ZFX: variants seen among roughly 807,000 people sequenced by gnomAD.
The protein encoded by ZFX is zinc finger X-chromosomal protein.
For missense variants in ZFX, 362 were observed against 628.3 expected, an observed-to-expected ratio of 0.58 and a Z score of 4.53; for synonymous variants, 196 against 226.8, an observed-to-expected ratio of 0.86 and a Z score of 1.22.
chrX:24,193,187 G>T (rs1206186602), intron 5 of ZFX, among the ~76,000 whole-genome samples: 1 of 112,179 alleles, frequency 8.9e-6, no homozygotes, highest in Non-Finnish European at 1.9e-5. Context: ...TGACAACCTT[G>T]ATGTTCATCA....
Position 24,189,966 on chromosome X carries a change from A to G in ZFX, c.646+10196A>G, listed in dbSNP as rs1936425670. Reference sequence around the variant, plus strand: ...ACAGGAAAAAGTTTGGAATTTGAAAACTATATATCTACATGGGAATATTTC... The same window carrying G: ...ACAGGAAAAAGTTTGGAATTTGAAAGCTATATATCTACATGGGAATATTTC... On this transcript the variant is annotated intron_variant, in intron 5 of 9. Coordinates refer to ENST00000304543, the MANE Select transcript of ZFX (RefSeq NM_003410.4). 2.7e-5 allele frequency among the ~76,000 whole-genome samples: 3 copies of G among 112,388 alleles called. No homozygotes were observed. The South Asian group carries it at 1.1e-3, about 41-fold the overall frequency.
At chrX:24,200,787 G>T (rs1658203086) in intron 5 of ZFX, among the ~76,000 whole-genome samples, 1 of 111,826 alleles carries the variant, frequency 8.9e-6, no homozygotes, top group Non-Finnish European at 1.9e-5. Flanking sequence ...TCACTTAGTA[G>T]CTCACTGACT....
chrX:24,183,824 GGCTCACTGCAACCTCCACCCC>G (rs1935887463), intron 5 of ZFX, among the ~76,000 whole-genome samples: 1 of 59,945 alleles, frequency 1.7e-5, no homozygotes, highest in South Asian at 1.4e-3. Context: ...CCTCCACCCC[GGCTCACTGCAACCTCCACCCC>G]CTGGGTTCAA....
At chrX:24,164,878 T>A (rs1350370110) in intron 3 of ZFX, among the ~76,000 whole-genome samples, 1 of 107,471 alleles carries the variant, frequency 9.3e-6, no homozygotes, top group African/African-American at 3.4e-5. Flanking sequence ...AGGCAGAGAT[T>A]GTAGTGAGCT....
intron 3 of ZFX, among the ~76,000 whole-genome samples, chrX:24,165,851 T>G (rs189332306): frequency 2.7e-5 from 3 of 112,552 alleles, no homozygotes; most frequent in Non-Finnish European, 5.6e-5. Context: ...CAGCAAAAAC[T>G]AATAAGCTAT....
chrX:24,201,003 C>T (rs926232592), intron 5 of ZFX, among the ~76,000 whole-genome samples: 9 of 112,308 alleles, frequency 8.0e-5, no homozygotes, highest in Non-Finnish European at 1.3e-4. Flanking sequence ...TTCTTCATTA[C>T]TACATTAGGA....
At chrX:24,161,580 C>T (rs1569126099) in intron 3 of ZFX, 1 of 111,576 alleles carries the variant, frequency 9.0e-6, no homozygotes, top group African/African-American at 3.3e-5. Context: ...CCTACACATA[C>T]AAGGTCAGTT....
chrX:24,191,824 C>T (rs111332313), intron 5 of ZFX, among the ~76,000 whole-genome samples: 3,945 of 110,130 alleles, frequency 0.036, 173 homozygotes, highest in African/African-American at 0.12. Flanking sequence ...CTCAGCCTCC[C>T]GAGTAGCTGG....
intron 7 of ZFX, 110 bp from the exon 8 acceptor site, chrX:24,208,108 A>C (rs1245345946): frequency 6.3e-5 from 63 of 997,520 alleles, no homozygotes; most frequent in Non-Finnish European, 8.5e-5. Flanking sequence ...CTAGGTATGT[A>C]ATATTTGGAC....
Position 24,161,176 on chromosome X carries a change from CA to C in ZFX, c.-29+8347del, listed in dbSNP as rs199940500. ...ATACCTTGAAATAAATCCAACAAAG[CA>C]TACCAAGACCTTCAGTAAAAACCTT... On this transcript the variant is annotated intron_variant, in intron 3 of 9. Transcript: ENST00000304543. 1.3e-3 allele frequency among the ~76,000 whole-genome samples: 149 copies of C among 111,749 alleles called. 6 individuals are homozygous for C. The East Asian group carries it at 0.028, about 21-fold the overall frequency.
intron 4 of ZFX, chrX:24,173,716 G>GAA: frequency 1.9e-6 from 1 of 519,048 alleles, no homozygotes; most frequent in Non-Finnish European, 3.2e-6. Context: ...GAGTAACTGG[G>GAA]GCTACAGGTG....
At chrX:24,155,542 A>G (rs969538122) in intron 3 of ZFX, among the ~76,000 whole-genome samples, 2 of 112,299 alleles carry the variant, frequency 1.8e-5, no homozygotes, top group African/African-American at 6.5e-5. Context: ...TTGGGATTAT[A>G]TACATATAGT....
chrX:24,195,832 C>T (rs12844745), intron 5 of ZFX, among the ~76,000 whole-genome samples: 1 of 112,484 alleles, frequency 8.9e-6, no homozygotes, highest in Non-Finnish European at 1.9e-5. Flanking sequence ...TATGTTCTTT[C>T]TTCACGTCCT....
At chrX:24,196,157 G>C (rs1006792598) in intron 5 of ZFX, among the ~76,000 whole-genome samples, 1 of 111,560 alleles carries the variant, frequency 9.0e-6, no homozygotes, top group Non-Finnish European at 1.9e-5. Flanking sequence ...TCGTTACCCA[G>C]GTTGGAGTGC....
At chrX:24,171,301 C>T (rs185130799) in intron 3 of ZFX, among the ~76,000 whole-genome samples, 30 of 110,796 alleles carry the variant, frequency 2.7e-4, no homozygotes, top group Non-Finnish European at 5.1e-4. Context: ...AGAAGGATCC[C>T]TGAATCAAAT....
At chrX:24,180,089 G>A (rs907362392) in intron 5 of ZFX, among the ~76,000 whole-genome samples, 43 of 109,799 alleles carry the variant, frequency 3.9e-4, no homozygotes, top group African/African-American at 9.6e-4. Flanking sequence ...AAAATTAACC[G>A]GGTGTGGTGG....
At chrX:24,155,018 A>G (rs1255511649) in intron 3 of ZFX, among the ~76,000 whole-genome samples, 2 of 110,765 alleles carry the variant, frequency 1.8e-5, no homozygotes, top group African/African-American at 3.3e-5. Context: ...AGAGATAACT[A>G]TTGGGTACTG....
chrX:24,171,197 G>A (rs1189059533), intron 3 of ZFX, among the ~76,000 whole-genome samples: 1 of 111,728 alleles, frequency 9.0e-6, no homozygotes, highest in Non-Finnish European at 1.9e-5. Context: ...ATTTCAGAGG[G>A]AAAAATTGTT....
chrX:24,168,484 AT>A (rs756977308), intron 3 of ZFX, among the ~76,000 whole-genome samples: 66 of 109,423 alleles, frequency 6.0e-4, no homozygotes, highest in Middle Eastern at 4.7e-3. Context: ...GTGATCCCTA[AT>A]TTAAGATAGA....
Sources: gnomAD v4.1 joint callset for allele counts (sites outside exome capture counted in the v4.1 genomes callset) on GRCh38, gnomAD v4.1.1 for gene constraint, MANE v1.5 for transcripts, NCBI Gene and HGNC (gene_info 2026-07-23, HGNC 2026-07-21) for gene names.